FARS2: variants seen among roughly 807,000 people sequenced by gnomAD.
FARS2 encodes phenylalanyl-tRNA synthetase 2, mitochondrial, also known as phenylalanine--tRNA ligase, mitochondrial.
In FARS2, 40 loss-of-function variants were observed where a neutral mutation model predicts 46.4. The ratio of observed to expected loss-of-function variants is 0.86; its 90% CI spans 0.67 to 1.12. The LOEUF is 1.12. FARS2 is among the 50% of genes most tolerant of loss of function. The pLI is 0.00. For synonymous variants in FARS2, 234 were observed against 214.9 expected, an observed-to-expected ratio of 1.09 and a Z score of -0.78; for missense variants, 513 against 567.9, an observed-to-expected ratio of 0.90 and a Z score of 0.98.
chr6:5,606,255 TG>T (rs1420834403), intron 5 of FARS2, among the ~76,000 whole-genome samples: 1 of 151,858 alleles, frequency 6.6e-6, no homozygotes, highest in Non-Finnish European at 1.5e-5. Context: ...TGCAGAGCCT[TG>T]GGGATAAAGC....
intron 3 of FARS2, among the ~76,000 whole-genome samples, chr6:5,412,636 T>C (rs1762000063): frequency 6.6e-6 from 1 of 152,208 alleles, no homozygotes; most frequent in African/African-American, 2.4e-5. Flanking sequence ...TCTATTAGTA[T>C]AAATGAAGTG....
chr6:5,328,752 C>A (rs1207000924), intron 1 of FARS2, among the ~76,000 whole-genome samples: 2 of 151,902 alleles, frequency 1.3e-5, no homozygotes, highest in Admixed American at 1.3e-4. Flanking sequence ...AGCAAGAAGG[C>A]CTTGTAAGTA....
intron 2 of FARS2, among the ~76,000 whole-genome samples, chr6:5,389,427 A>G (rs1254821034): frequency 2.0e-5 from 3 of 152,056 alleles, no homozygotes; most frequent in African/African-American, 7.3e-5. Flanking sequence ...CATGTACTCA[A>G]TCTGTCTACT....
At chr6:5,719,396 T>TAGAA (rs1759725654) in intron 6 of FARS2, among the ~76,000 whole-genome samples, 1 of 123,052 alleles carries the variant, frequency 8.1e-6, no homozygotes, top group East Asian at 2.3e-4. Context: ...CAAAAAAAAT[T>TAGAA]AAAAAAAAAA....
At chr6:5,591,520 A>G (rs1773917878) in intron 5 of FARS2, among the ~76,000 whole-genome samples, 1 of 152,218 alleles carries the variant, frequency 6.6e-6, no homozygotes, top group South Asian at 2.1e-4. Flanking sequence ...GATATGGGCG[A>G]TCCAGGTGCC....
chr6:5,746,814 A>G lies in FARS2; in HGVS notation c.1218-24477A>G, dbSNP rs540922906. On this transcript the variant is annotated intron_variant, in intron 6 of 6. Coordinates refer to ENST00000274680, the MANE Select transcript of FARS2 (RefSeq NM_006567.5). ...CCCTTGCTGTTTGCCAGGCTCAAAG[A>G]CAACAGAAGAGAACAAAACTAAGAA... Among the ~76,000 whole-genome samples the G allele has an allele frequency of 2.0e-5, 3 of 152,322 alleles. No individual in the cohort carries two copies. The South Asian group carries it at 6.2e-4, about 32-fold the overall frequency.
intron 4 of FARS2, among the ~76,000 whole-genome samples, chr6:5,450,872 T>TA (rs1764451819): frequency 6.6e-6 from 1 of 152,120 alleles, no homozygotes; most frequent in South Asian, 2.1e-4. Flanking sequence ...TCTCTTTCAT[T>TA]ATTGCCGTGC....
intron 6 of FARS2, among the ~76,000 whole-genome samples, chr6:5,618,123 C>G (rs139020157): frequency 7.9e-5 from 12 of 152,306 alleles, no homozygotes; most frequent in Admixed American, 2.0e-4. Flanking sequence ...GAAGCTTTGA[C>G]TACAATATCA....
chr6:5,439,699 G>A (rs1387035084), intron 4 of FARS2, among the ~76,000 whole-genome samples: 3 of 152,196 alleles, frequency 2.0e-5, no homozygotes, highest in African/African-American at 2.4e-5. Context: ...TACTGGAAAC[G>A]TGGTGGTATT....
chr6:5,658,208 A>T (rs1326961148), intron 6 of FARS2, among the ~76,000 whole-genome samples: 1 of 151,512 alleles, frequency 6.6e-6, no homozygotes, highest in Non-Finnish European at 1.5e-5. Context: ...GTGAGCCGAG[A>T]TCGTGCCATT....
chr6:5,694,279 A>G (rs1218699032), intron 6 of FARS2, among the ~76,000 whole-genome samples: 1 of 152,272 alleles, frequency 6.6e-6, no homozygotes, highest in East Asian at 1.9e-4. Context: ...AGTTAACAAC[A>G]GGTAGCCAAC....
chr6:5,303,565 T>G (rs1768479358), intron 1 of FARS2, among the ~76,000 whole-genome samples: 1 of 152,062 alleles, frequency 6.6e-6, no homozygotes, highest in African/African-American at 2.4e-5. Flanking sequence ...CCCACGACTC[T>G]GTTTCTTAGA....
chr6:5,687,500 G>C (rs1757329390), intron 6 of FARS2, among the ~76,000 whole-genome samples: 1 of 152,182 alleles, frequency 6.6e-6, no homozygotes, highest in African/African-American at 2.4e-5. Flanking sequence ...TCAAAGATCA[G>C]ATAGTTGTAG....
chr6:5,311,985 G>A lies in FARS2; in HGVS notation c.-22+50325G>A, dbSNP rs1769109259. ...CTTTCCGTGCATCGTAGAATCTTCG[G>A]TGTGTTGAAGGGTTTTATGTAATAC... On this transcript the variant is annotated intron_variant, in intron 1 of 6. Coordinates refer to ENST00000274680, the MANE Select transcript of FARS2 (RefSeq NM_006567.5). The surrounding 1 kb of genome is among the most constrained non-coding windows in gnomAD (Gnocchi z 4.1). 6.6e-6 allele frequency among the ~76,000 whole-genome samples: 1 copy of A among 152,172 alleles called. No homozygotes were observed. The highest frequency in any genetic ancestry group is 2.1e-4 in the South Asian group (1 of 4,822).
intron 6 of FARS2, among the ~76,000 whole-genome samples, chr6:5,747,336 A>G (rs1425582571): frequency 6.6e-6 from 1 of 152,218 alleles, no homozygotes; most frequent in African/African-American, 2.4e-5. Context: ...TGGCTGCTAT[A>G]AGGAGGCAAG....
chr6:5,462,957 T>C (rs1765324707), intron 4 of FARS2, among the ~76,000 whole-genome samples: 1 of 152,230 alleles, frequency 6.6e-6, no homozygotes, highest in Admixed American at 6.5e-5. Context: ...GCAAACTTTT[T>C]TCTGAAAGGG....
intron 6 of FARS2, among the ~76,000 whole-genome samples, chr6:5,634,908 A>G (rs1776470348): frequency 6.6e-6 from 1 of 152,162 alleles, no homozygotes; most frequent in Admixed American, 6.5e-5. Flanking sequence ...TGCAGTTGCT[A>G]TACAATGTAG....
At chr6:5,357,237 C>G (rs2127618166) in intron 1 of FARS2, among the ~76,000 whole-genome samples, 1 of 152,270 alleles carries the variant, frequency 6.6e-6, no homozygotes. Flanking sequence ...GGAAATATCA[C>G]TGTGAGTTAA....
At chr6:5,353,726 G>GT (rs55998904) in intron 1 of FARS2, among the ~76,000 whole-genome samples, 17,104 of 40,144 alleles carry the variant, frequency 0.43, 3,656 homozygotes, top group South Asian at 0.51. Context: ...AATATTTGGT[G>GT]TTTTTTTTTT....
Sources: allele counts gnomAD v4.1 joint callset (sites outside exome capture counted in the v4.1 genomes callset), GRCh38; gene constraint gnomAD v4.1.1; non-coding constraint Gnocchi (gnomAD v3.1); transcripts MANE v1.5; gene names NCBI Gene and HGNC (gene_info 2026-07-23, HGNC 2026-07-21).